ARSK: variants seen among roughly 807,000 people sequenced by gnomAD.
ARSK encodes the protein arylsulfatase family member K, also known as arylsulfatase K.
In ARSK, 37 loss-of-function variants were observed where a neutral mutation model predicts 53.2. The observed-to-expected ratio is 0.70, with a 90% CI of 0.54 to 0.92. The LOEUF (loss-of-function observed/expected upper bound fraction) is 0.92. Ranked by LOEUF, ARSK falls within the 40% of genes least tolerant of loss-of-function variation. ARSK has a pLI of 0.00. For missense variants in ARSK, 613 were observed against 643.0 expected (o/e 0.95, Z 0.51); for synonymous variants, 208 against 223.2 (o/e 0.93, Z 0.61).
At position 95,603,681 on chromosome 5, in the gene ARSK, A is replaced by G; in HGVS notation, c.*155A>G. 1.9e-5 allele frequency: 11 copies of G among 573,194 alleles called. No homozygotes were observed. The highest frequency in any genetic ancestry group is 2.8e-5 in the Non-Finnish European group (10 of 361,590). The allele number at this position is 573,194 out of a possible 1,614,324, so 35.5% of individuals were successfully genotyped here. A position where few individuals can be genotyped will look rare whatever the true frequency, so the allele number is the denominator to read the frequency against. On this transcript the variant is annotated 3_prime_UTR_variant, in exon 8 of 8. Transcript: ENST00000380009. The stretch of plus-strand genomic sequence containing the variant: ...TCCCAGGACTTTGGGAGGCTGAGGA[A>G]AGCAGATCACAAGGTCAAGAGATTG...
intron 6 of ARSK, among the ~76,000 whole-genome samples, chr5:95,594,499 C>T (rs1749269446): frequency 6.6e-6 from 1 of 152,096 alleles, no homozygotes; most frequent in Non-Finnish European, 1.5e-5. Flanking sequence ...TTTTCTTTCA[C>T]ATATAAAGTT....
chr5:95,582,998 A>G lies in ARSK; in HGVS notation c.499A>G (p.Arg167Gly). The G allele has an allele frequency of 1.2e-6, 2 of 1,613,884 alleles. No homozygotes were observed. The highest frequency in any genetic ancestry group is 1.7e-6 in the Non-Finnish European group (2 of 1,179,776). ...GCCCATGGTTAATCTTATCCGTAAC[A>G]GGACTAAAGTCAGAGTGATGGAAAG... Reference protein sequence around the residue: ...GRPMVNLIRNRTKVRVMERDW... With the variant: ...GRPMVNLIRNGTKVRVMERDW... The change falls in exon 4 of 8, where the codon AGG (arginine) becomes GGG (glycine). Residue 167 changes from arginine to glycine, a missense_variant. Transcript: ENST00000380009.
rs988857094 is a variant in ARSK, at chr5:95,604,431, C to G, written c.*905C>G. ...AGCAAGTACCGAAACCACCTGCTTA[C>G]GCATTTTTAGAGATTGGCCACAAAT... On this transcript the variant is annotated 3_prime_UTR_variant, in exon 8 of 8. Transcript: ENST00000380009. 1 of 152,204 alleles carries G rather than the reference C, an allele frequency of 6.6e-6. No homozygotes were observed. The highest frequency in any genetic ancestry group is 1.5e-5 in the Non-Finnish European group (1 of 68,052). The allele number at this position is 152,204 out of a possible 1,614,324, so 9.4% of individuals were successfully genotyped here.
At chr5:95,570,681 T>C (rs1006637009) in intron 3 of ARSK, among the ~76,000 whole-genome samples, 2 of 152,186 alleles carry the variant, frequency 1.3e-5, no homozygotes, top group Admixed American at 6.5e-5. Context: ...TAATATAAAA[T>C]ATTTAACAGT....
Position 95,604,861 on chromosome 5 carries a change from T to C in ARSK, c.*1335T>C, listed in dbSNP as rs958577617. The C allele has an allele frequency of 1.3e-5, 2 of 152,234 alleles. No homozygotes were observed. Among genetic ancestry groups the C allele is most frequent in the Non-Finnish European group, 2.9e-5 (2 of 68,036 alleles). The allele number at this position is 152,234 out of a possible 1,614,324, so 9.4% of individuals were successfully genotyped here. A position where few individuals can be genotyped will look rare whatever the true frequency, so the allele number is the denominator to read the frequency against. On this transcript the variant is annotated 3_prime_UTR_variant, in exon 8 of 8. Transcript: ENST00000380009. Reference sequence around the variant, plus strand: ...GTTGGTCTTTGTTTTGTATTACAGGTGTGCTTTAGATATTAGCTTTTTGTA... The same window carrying C: ...GTTGGTCTTTGTTTTGTATTACAGGCGTGCTTTAGATATTAGCTTTTTGTA...
intron 7 of ARSK, among the ~76,000 whole-genome samples, chr5:95,602,946 G>C (rs939697780): frequency 6.6e-6 from 1 of 152,024 alleles, no homozygotes. Flanking sequence ...GGAAGAACTT[G>C]TTCTAAACCA....
intron 2 of ARSK, 85 bp from the exon 3 acceptor site, chr5:95,567,805 T>C: frequency 1.5e-6 from 2 of 1,348,172 alleles, no homozygotes; most frequent in Non-Finnish European, 2.0e-6. Context: ...TCTTCACTAG[T>C]GGACTGCTCT....
intron 3 of ARSK, among the ~76,000 whole-genome samples, chr5:95,572,903 C>T (rs1472762354): frequency 6.6e-6 from 1 of 152,174 alleles, no homozygotes; most frequent in Non-Finnish European, 1.5e-5. Context: ...CACCTCTACC[C>T]CTTAGCTGCC....
At chr5:95,561,114 A>T (rs1398347723) in intron 1 of ARSK, among the ~76,000 whole-genome samples, 1 of 152,154 alleles carries the variant, frequency 6.6e-6, no homozygotes, top group East Asian at 1.9e-4. Context: ...CGGCCAAAAG[A>T]TCTTAATAGA....
intron 6 of ARSK, 34 bp from the exon 7 acceptor site, chr5:95,600,813 T>C (rs1302996287): frequency 6.5e-7 from 1 of 1,548,182 alleles, no homozygotes; most frequent in African/African-American, 1.4e-5. Context: ...AAGAATGAGC[T>C]ATTTTAAGAT....
intron 6 of ARSK, among the ~76,000 whole-genome samples, chr5:95,600,015 A>C (rs1203438408): frequency 1.3e-5 from 2 of 152,230 alleles, no homozygotes; most frequent in Non-Finnish European, 2.9e-5. Context: ...AGACATAATT[A>C]ATGGTAATTT....
rs370300829 is a variant in ARSK at position 95,587,860 on chromosome 5, C to T, written c.871+1127C>T. Among the ~76,000 whole-genome samples, 376 of 149,096 alleles carry T rather than the reference C, an allele frequency of 2.5e-3. 3 individuals carry two copies. Among genetic ancestry groups the T allele is most frequent in the African/African-American group, 8.8e-3 (355 of 40,276 alleles). On this transcript the variant is annotated intron_variant, in intron 5 of 7. Transcript: ENST00000380009. ...GGCAGAGGTTGCAGTGAGTGGAGATCGTGCCACTGCACTCCAGCCTGGGTG... is the reference window on the plus strand; with the variant it reads ...GGCAGAGGTTGCAGTGAGTGGAGATTGTGCCACTGCACTCCAGCCTGGGTG...
At chr5:95,574,635 GTCT>G (rs1748891287) in intron 3 of ARSK, among the ~76,000 whole-genome samples, 1 of 152,108 alleles carries the variant, frequency 6.6e-6, no homozygotes, top group African/African-American at 2.4e-5. Flanking sequence ...CCATTCGTAT[GTCT>G]TCTTTTAAGA....
rs1748752640 is a variant in ARSK at position 95,567,870 on chromosome 5, C to G, written c.257-20C>G. On this transcript the variant is annotated intron_variant, in intron 2 of 7. Coordinates refer to ENST00000380009, the MANE Select transcript of ARSK (RefSeq NM_198150.3). ...GTTAAGCTTTACCTTAATCCCAATTCCTTTTTTTTTTTTTCTCAGCAATGT... is the reference window on the plus strand; with the variant it reads ...GTTAAGCTTTACCTTAATCCCAATTGCTTTTTTTTTTTTTCTCAGCAATGT... 4 of 1,567,818 alleles carry G rather than the reference C, an allele frequency of 2.6e-6. No individual in the cohort carries two copies. In the African/African-American group the frequency reaches 4.1e-5, roughly 16 times the overall value.
At chr5:95,580,577 C>A (rs1337817126) in intron 3 of ARSK, among the ~76,000 whole-genome samples, 1 of 152,160 alleles carries the variant, frequency 6.6e-6, no homozygotes, top group Non-Finnish European at 1.5e-5. Context: ...GACTCACTGA[C>A]TGGAAGGTAG....
intron 4 of ARSK, among the ~76,000 whole-genome samples, chr5:95,585,558 A>G (rs1281532325): frequency 6.6e-6 from 1 of 152,214 alleles, no homozygotes; most frequent in Non-Finnish European, 1.5e-5. Flanking sequence ...GAAGTGACTC[A>G]GGAATGGAAA....
chr5:95,577,173 T>C (rs1486936735), intron 3 of ARSK, among the ~76,000 whole-genome samples: 1 of 152,258 alleles, frequency 6.6e-6, no homozygotes, highest in Non-Finnish European at 1.5e-5. Flanking sequence ...GCTTTATTTT[T>C]TCAGATTTGA....
chr5:95,600,256 C>G (rs1749379865), intron 6 of ARSK, among the ~76,000 whole-genome samples: 2 of 152,260 alleles, frequency 1.3e-5, no homozygotes, highest in South Asian at 2.1e-4. Context: ...TCTGTTATCA[C>G]ATAACTTTGG....
chr5:95,585,786 G>A (rs1047127684), intron 4 of ARSK, among the ~76,000 whole-genome samples: 3 of 151,972 alleles, frequency 2.0e-5, no homozygotes, highest in South Asian at 2.1e-4. Flanking sequence ...ATGCAACCAC[G>A]CCTGTTCCCC....
Sources: gnomAD v4.1 joint callset for allele counts (sites outside exome capture counted in the v4.1 genomes callset) on GRCh38, gnomAD v4.1.1 for gene constraint, MANE v1.5 for transcripts, NCBI Gene and HGNC (gene_info 2026-07-23, HGNC 2026-07-21) for gene names.